TSNARE1: variants seen among roughly 807,000 people sequenced by gnomAD.
TSNARE1 encodes t-SNARE domain containing 1.
In TSNARE1, 49 loss-of-function variants were observed where a neutral mutation model predicts 62.0. The observed-to-expected ratio is 0.79, with a 90% CI of 0.63 to 1.00. The LOEUF is 1.00. TSNARE1 is among the 50% of genes least tolerant of loss of function. TSNARE1 has a pLI of 0.00. For missense variants in TSNARE1, 755 were observed against 700.1 expected (o/e 1.08, Z -0.88); for synonymous variants, 328 against 294.4 (o/e 1.11, Z -1.17).
At chr8:142,278,833 G>A (rs771094367) in intron 11 of TSNARE1, 71 of 979,654 alleles carry the variant, frequency 7.2e-5, no homozygotes, top group Non-Finnish European at 8.6e-5. Context: ...CAGAAGGAGG[G>A]GGAGGCCACT....
chr8:142,338,774 C>G (rs921065840), intron 4 of TSNARE1, among the ~76,000 whole-genome samples: 15 of 152,252 alleles, frequency 9.9e-5, no homozygotes, highest in Non-Finnish European at 1.8e-4. Context: ...TGAGCTAGCG[C>G]TGGGTGCCTC....
chr8:142,363,387 G>T (rs1835304969), intron 1 of TSNARE1, among the ~76,000 whole-genome samples: 1 of 152,174 alleles, frequency 6.6e-6, no homozygotes. Context: ...GAACCAGGGG[G>T]AGAGGGAGAA....
chr8:142,273,310 T>C, intron 12 of TSNARE1: 2 of 985,450 alleles, frequency 2.0e-6, no homozygotes, highest in Non-Finnish European at 2.4e-6. Flanking sequence ...CTGGCTTTCC[T>C]CTTGAAACAA....
Position 142,314,403 on chromosome 8 carries a change from G to T in TSNARE1, c.1112C>A (p.Ala371Glu), listed in dbSNP as rs373787442. The T allele has an allele frequency of 6.2e-7, 1 of 1,613,830 alleles. No homozygotes were observed. The highest frequency in any genetic ancestry group is 8.5e-7 in the Non-Finnish European group (1 of 1,179,946). Residue 371 changes from alanine to glutamate, a missense_variant, in exon 9 of 14, where the codon GCG becomes GAG. Ala to Glu is a moderately radical substitution (Grantham distance 107). Transcript: ENST00000524325. ...ACCCACCTGTTTACTGCCCCTCTGCGCCATGGGAAGCAGCGCTCTGGACTT... is the reference window on the plus strand; with the variant it reads ...ACCCACCTGTTTACTGCCCCTCTGCTCCATGGGAAGCAGCGCTCTGGACTT... ...AEKSRALLPMAQRGSKQSPQA... is the reference protein window; with the variant it reads ...AEKSRALLPMEQRGSKQSPQA...
intron 12 of TSNARE1, among the ~76,000 whole-genome samples, chr8:142,258,418 T>A (rs770808619): frequency 1.3e-5 from 2 of 151,702 alleles, no homozygotes; most frequent in Non-Finnish European, 2.9e-5. Flanking sequence ...AGTCTTCTCT[T>A]CGCCCCCTGG....
intron 7 of TSNARE1, among the ~76,000 whole-genome samples, chr8:142,315,370 A>G (rs1828371255): frequency 1.3e-5 from 2 of 152,214 alleles, no homozygotes; most frequent in African/African-American, 4.8e-5. Flanking sequence ...CACCTCCGCG[A>G]GCAGCACTGT....
intron 1 of TSNARE1, among the ~76,000 whole-genome samples, chr8:142,358,639 C>T (rs542854707): frequency 2.0e-5 from 3 of 152,196 alleles, no homozygotes; most frequent in South Asian, 2.1e-4. Flanking sequence ...GGCTAACCCA[C>T]GGTCAGGGCC....
At chr8:142,223,235 T>C (rs1188743349) in intron 13 of TSNARE1, among the ~76,000 whole-genome samples, 1 of 145,214 alleles carries the variant, frequency 6.9e-6, no homozygotes, top group African/African-American at 2.6e-5. Context: ...CACTCACTCA[T>C]TCATCCACTC....
intron 9 of TSNARE1, among the ~76,000 whole-genome samples, chr8:142,308,914 G>A (rs886570253): frequency 6.6e-6 from 1 of 152,178 alleles, no homozygotes; most frequent in Non-Finnish European, 1.5e-5. Context: ...TCCACTGGGT[G>A]AGAGCTGACA....
At chr8:142,246,692 G>T (rs1269685335) in intron 12 of TSNARE1, among the ~76,000 whole-genome samples, 1 of 152,160 alleles carries the variant, frequency 6.6e-6, no homozygotes, top group African/African-American at 2.4e-5. Context: ...AGAACGGAGG[G>T]ATGACCGAGG....
At chr8:142,259,033 C>T (rs1408910747) in intron 12 of TSNARE1, among the ~76,000 whole-genome samples, 1 of 152,234 alleles carries the variant, frequency 6.6e-6, no homozygotes, top group Non-Finnish European at 1.5e-5. Context: ...AGGCGAGATA[C>T]ATCCAGCCAC....
At chr8:142,256,358 TCAC>T (rs1425423861) in intron 12 of TSNARE1, among the ~76,000 whole-genome samples, 1 of 366 alleles carries the variant, frequency 2.7e-3, no homozygotes, top group African/African-American at 0.012. Context: ...ACCATCATTA[TCAC>T]CACCATCATC....
chr8:142,324,840 A>C (rs1014875171), intron 6 of TSNARE1, among the ~76,000 whole-genome samples: 3 of 152,232 alleles, frequency 2.0e-5, no homozygotes, highest in Non-Finnish European at 2.9e-5. Context: ...TCGAGTGGTT[A>C]ATCGGCGCTC....
Position 142,324,659 on chromosome 8 carries a change from C to T in TSNARE1, c.894-6025G>A, listed in dbSNP as rs77065501. Among the ~76,000 whole-genome samples the T allele has an allele frequency of 7.6e-3, 1,160 of 152,374 alleles. 10 individuals are homozygous for T. Among genetic ancestry groups the T allele is most frequent in the Non-Finnish European group, 0.011 (763 of 68,046 alleles). On this transcript the variant is annotated intron_variant, in intron 6 of 13. Transcript: ENST00000524325. ...GTGTTTTACAGACGAAGACACAAGGCCCTGAGTCACAAAAGCACCTGCAGG... is the reference window on the plus strand; with the variant it reads ...GTGTTTTACAGACGAAGACACAAGGTCCTGAGTCACAAAAGCACCTGCAGG...
At chr8:142,270,977 G>A (rs1188875157) in intron 12 of TSNARE1, 33 of 985,352 alleles carry the variant, frequency 3.3e-5, no homozygotes, top group African/African-American at 5.2e-5. Flanking sequence ...GAGTTGTCCC[G>A]GTGCCCTGGA....
intron 9 of TSNARE1, among the ~76,000 whole-genome samples, chr8:142,304,584 G>T (rs141019344): frequency 1.6e-3 from 248 of 152,360 alleles, no homozygotes; most frequent in African/African-American, 5.8e-3. Context: ...CAGGAACACT[G>T]CCCTTCACTT....
In TSNARE1 at chr8:142,241,026, G is replaced by A. The variant is rs117464854; in HGVS notation, c.1447-11447C>T. Reference sequence around the variant, plus strand: ...CTGAAAGTCCTCGCCAGTGTAATTAGGCAAGACGAAGAAGTAAAAGGCATC... The same window carrying A: ...CTGAAAGTCCTCGCCAGTGTAATTAAGCAAGACGAAGAAGTAAAAGGCATC... On this transcript the variant is annotated intron_variant, in intron 12 of 13. Coordinates refer to ENST00000524325, the MANE Select transcript of TSNARE1 (RefSeq NM_145003.5). 1.4e-3 allele frequency among the ~76,000 whole-genome samples: 213 copies of A among 152,292 alleles called. 2 individuals carry two copies. Among genetic ancestry groups the A allele is most frequent in the South Asian group, 4.6e-3 (22 of 4,820 alleles).
At chr8:142,212,771 C>T (rs1026258321) in intron 13 of TSNARE1, among the ~76,000 whole-genome samples, 1 of 143,242 alleles carries the variant, frequency 7.0e-6, no homozygotes, top group African/African-American at 2.6e-5. Flanking sequence ...TTCCCTGGCC[C>T]CTCCCTCTCC....
intron 1 of TSNARE1, among the ~76,000 whole-genome samples, chr8:142,387,939 AAC>A (rs770293909): frequency 1.3e-5 from 2 of 152,210 alleles, no homozygotes; most frequent in African/African-American, 2.4e-5. Context: ...CACAACCAAA[AAC>A]AGTGTACATA....
Sources: gnomAD v4.1 joint callset for allele counts (sites outside exome capture counted in the v4.1 genomes callset) on GRCh38, gnomAD v4.1.1 for gene constraint, MANE v1.5 for transcripts, NCBI Gene and HGNC (gene_info 2026-07-23, HGNC 2026-07-21) for gene names.